Variants in HHAT observed in about 807,000 individuals in gnomAD.
HHAT encodes protein-cysteine N-palmitoyltransferase HHAT.
HHAT carries 47 observed loss-of-function variants against 70.8 expected under a neutral mutation model. The observed-to-expected ratio is 0.66, with a 90% confidence interval of 0.53 to 0.85. The LOEUF (loss-of-function observed/expected upper bound fraction) is 0.85, where lower values mean the gene tolerates loss of function less well. Ranked by LOEUF, HHAT falls within the 40% of genes least tolerant of loss-of-function variation. HHAT has a pLI of 0.00. For missense variants in HHAT, 609 were observed against 604.8 expected (o/e 1.01, Z -0.07); for synonymous variants, 228 against 247.6 (o/e 0.92, Z 0.74).
intron 6 of HHAT, among the ~76,000 whole-genome samples, chr1:210,416,491 A>G (rs896088191): frequency 6.6e-6 from 1 of 152,236 alleles, no homozygotes; most frequent in Non-Finnish European, 1.5e-5. Context: ...GTTTAGTGGT[A>G]TAAGGCTGAA....
chr1:210,544,015 C>T (rs1403151598), intron 9 of HHAT, among the ~76,000 whole-genome samples: 1 of 152,212 alleles, frequency 6.6e-6, no homozygotes, highest in Admixed American at 6.5e-5. Context: ...TTGCAGGTGG[C>T]CTGTGAGCTG....
At chr1:210,377,541 C>G (rs1331856230) in intron 3 of HHAT, among the ~76,000 whole-genome samples, 1 of 152,198 alleles carries the variant, frequency 6.6e-6, no homozygotes, top group Non-Finnish European at 1.5e-5. Context: ...CGAATAGACT[C>G]TGCAGTCTTG....
chr1:210,634,083 G>A (rs1391613294), intron 11 of HHAT, among the ~76,000 whole-genome samples: 1 of 152,194 alleles, frequency 6.6e-6, no homozygotes, highest in African/African-American at 2.4e-5. Context: ...TTTAACCTTT[G>A]TTTTAAAAAA....
intron 8 of HHAT, among the ~76,000 whole-genome samples, chr1:210,473,763 C>T (rs2094251597): frequency 1.3e-5 from 2 of 152,138 alleles, no homozygotes; most frequent in African/African-American, 4.8e-5. Flanking sequence ...TCCTTTATCT[C>T]AGTTCATGCT....
chr1:210,442,276 G>C (rs36181485), intron 7 of HHAT, among the ~76,000 whole-genome samples: 18,130 of 130,698 alleles, frequency 0.14, 1,348 homozygotes, highest in African/African-American at 0.17. Flanking sequence ...TTGGTTCCAA[G>C]TCTTTGCTAT....
intron 8 of HHAT, among the ~76,000 whole-genome samples, chr1:210,501,996 T>C (rs1467536620): frequency 6.7e-6 from 1 of 149,748 alleles, no homozygotes; most frequent in Non-Finnish European, 1.5e-5. Context: ...CCCCTCTGCC[T>C]ATATTTTAGG....
intron 3 of HHAT, among the ~76,000 whole-genome samples, chr1:210,372,898 G>C (rs946347339): frequency 2.0e-5 from 3 of 151,948 alleles, no homozygotes; most frequent in Non-Finnish European, 2.9e-5. Flanking sequence ...TATTACAAGG[G>C]TATCAGAGCC....
rs538643809 is a variant in HHAT, at chr1:210,650,060, C to T, written c.1391-24228C>T. Among the ~76,000 whole-genome samples, 38 of 152,306 alleles carry T rather than the reference C, an allele frequency of 2.5e-4. No individual in the cohort carries two copies. The South Asian group carries it at 7.5e-3, about 30-fold the overall frequency. On this transcript the variant is annotated intron_variant, in intron 11 of 11. Coordinates refer to ENST00000261458, the MANE Select transcript of HHAT (RefSeq NM_018194.6). ...CCTCCCCAGTAGAAAGGGAAAGAAA[C>T]CTGTTCATCTTGCCTATATGGCATG...
chr1:210,554,007 A>G (rs953357148), intron 9 of HHAT, among the ~76,000 whole-genome samples: 1 of 152,184 alleles, frequency 6.6e-6, no homozygotes, highest in Non-Finnish European at 1.5e-5. Flanking sequence ...TGGACAGGCT[A>G]CATTTCTGTT....
Position 210,403,018 on chromosome 1 carries a change from T to C in HHAT, c.469-1446T>C, listed in dbSNP as rs143054806. On this transcript the variant is annotated intron_variant, in intron 5 of 11. Transcript: ENST00000261458. ...AAACAGAAGTAATAAATCCTCTTCCTTCCTCATGGGATTGTTCTGAGAGTC... is the reference window on the plus strand; with the variant it reads ...AAACAGAAGTAATAAATCCTCTTCCCTCCTCATGGGATTGTTCTGAGAGTC... Among the ~76,000 whole-genome samples, 79 of 152,342 alleles carry C rather than the reference T, an allele frequency of 5.2e-4. 1 individual carries two copies. The East Asian group carries it at 6.4e-3, about 12-fold the overall frequency.
intron 7 of HHAT, among the ~76,000 whole-genome samples, chr1:210,438,850 C>T (rs992045704): frequency 1.1e-4 from 16 of 151,958 alleles, no homozygotes; most frequent in Admixed American, 7.9e-4. Flanking sequence ...GTAATTCTCA[C>T]AGCAGCCCTA....
At chr1:210,498,789 T>G (rs1558030905) in intron 8 of HHAT, among the ~76,000 whole-genome samples, 1 of 125,512 alleles carries the variant, frequency 8.0e-6, no homozygotes, top group African/African-American at 3.0e-5. Flanking sequence ...TTTTTTTTTT[T>G]GAGACGGAGT....
intron 7 of HHAT, among the ~76,000 whole-genome samples, chr1:210,432,809 G>A (rs544991536): frequency 2.2e-4 from 33 of 151,848 alleles, no homozygotes; most frequent in South Asian, 1.7e-3. Context: ...CAAGGTTTTG[G>A]TGCTAATCCT....
intron 2 of HHAT, among the ~76,000 whole-genome samples, chr1:210,358,939 CAGTA>C (rs1396102718): frequency 6.6e-6 from 1 of 152,202 alleles, no homozygotes; most frequent in East Asian, 1.9e-4. Context: ...TCCTCTCACT[CAGTA>C]GGTAGGATGG....
At chr1:210,642,673 T>C (rs1003302628) in intron 11 of HHAT, among the ~76,000 whole-genome samples, 4 of 152,262 alleles carry the variant, frequency 2.6e-5, no homozygotes, top group Non-Finnish European at 5.9e-5. Context: ...TAGAAGTCTT[T>C]TGGCCATTTA....
chr1:210,595,895 A>G (rs1662876107), intron 10 of HHAT, among the ~76,000 whole-genome samples: 1 of 151,994 alleles, frequency 6.6e-6, no homozygotes, highest in Non-Finnish European at 1.5e-5. Flanking sequence ...TAGATTGCAA[A>G]AATTTTCTCC....
intron 9 of HHAT, among the ~76,000 whole-genome samples, chr1:210,578,890 A>G (rs1229624050): frequency 6.6e-6 from 1 of 152,250 alleles, no homozygotes; most frequent in Non-Finnish European, 1.5e-5. Context: ...CACAATAGCA[A>G]AGACATGGAA....
chr1:210,517,198 T>C (rs1275117009), intron 9 of HHAT, among the ~76,000 whole-genome samples: 1 of 152,206 alleles, frequency 6.6e-6, no homozygotes, highest in Non-Finnish European at 1.5e-5. Flanking sequence ...ACAGGGTGGC[T>C]TGTTTAAATT....
chr1:210,562,379 C>T (rs1376885223), intron 9 of HHAT, among the ~76,000 whole-genome samples: 2 of 130,758 alleles, frequency 1.5e-5, no homozygotes, highest in Non-Finnish European at 3.1e-5. Flanking sequence ...CTTTTCAATC[C>T]AATCACCAAG....
Sources: allele counts gnomAD v4.1 joint callset (sites outside exome capture counted in the v4.1 genomes callset), GRCh38; gene constraint gnomAD v4.1.1; transcripts MANE v1.5; gene names NCBI Gene and HGNC (gene_info 2026-07-23, HGNC 2026-07-21).